FAM161B: variants seen among roughly 807,000 people sequenced by gnomAD.
FAM161B encodes protein FAM161B.
In FAM161B, 46 loss-of-function variants were observed where a neutral mutation model predicts 61.5. The ratio of observed to expected loss-of-function variants is 0.75; its 90% confidence interval spans 0.59 to 0.96. The LOEUF (loss-of-function observed/expected upper bound fraction) is 0.96. Ranked by LOEUF, FAM161B falls within the 40% of genes least tolerant of loss-of-function variation. The probability of loss-of-function intolerance (pLI) is 0.00; values close to 1 mark genes in which losing one functional copy is unlikely to be tolerated. For missense variants in FAM161B, 774 were observed against 800.7 expected (o/e 0.97, Z 0.40); for synonymous variants, 284 against 302.7 (o/e 0.94, Z 0.64).
chr14:73,944,304 G>GGA, intron 3 of FAM161B, 31 bp downstream of exon 3: 1 of 1,542,556 alleles, frequency 6.5e-7, no homozygotes, highest in Non-Finnish European at 8.8e-7. Flanking sequence ...CCCCGAGGCA[G>GGA]GAGGCAGCAA....
rs1464222646 is a variant in FAM161B at position 73,933,672 on chromosome 14, T to C, written c.*584A>G. The stretch of plus-strand genomic sequence containing the variant: ...CATGGACGCATTTATGTTTCTGCAC[T>C]AGCCCCTTATAGGCATTTGGGCCTG... On this transcript the variant is annotated 3_prime_UTR_variant, in exon 9 of 9. Coordinates refer to ENST00000286544, the MANE Select transcript of FAM161B (RefSeq NM_152445.3). 1 of 152,432 alleles carries C rather than the reference T, an allele frequency of 6.6e-6. No individual in the cohort carries two copies. The highest frequency in any genetic ancestry group is 1.5e-5 in the Non-Finnish European group (1 of 68,232). The allele number at this position is 152,432 out of a possible 1,614,324, so 9.4% of individuals were successfully genotyped here. A position where few individuals can be genotyped will look rare whatever the true frequency, so the allele number is the denominator to read the frequency against.
chr14:73,942,017 G>T (rs1472032972), intron 4 of FAM161B, among the ~76,000 whole-genome samples: 1 of 151,988 alleles, frequency 6.6e-6, no homozygotes, highest in African/African-American at 2.4e-5. Context: ...GTTTTTTGTT[G>T]TTGTTTTTAG....
chr14:73,934,446 G>A (rs766223442), intron 8 of FAM161B, 52 bp from the exon 9 acceptor site: 1 of 1,554,156 alleles, frequency 6.4e-7, no homozygotes, highest in Non-Finnish European at 8.7e-7. Flanking sequence ...TTTTCAGACA[G>A]GGTCTCACTC....
Position 73,932,327 on chromosome 14 carries a change from A to G in FAM161B, c.*1929T>C. Reference sequence around the variant, plus strand: ...AAAATTTGTTTTCTTAGAGATTAAGAATTTAATCTTTCCCTTTAAAATAGT... The same window carrying G: ...AAAATTTGTTTTCTTAGAGATTAAGGATTTAATCTTTCCCTTTAAAATAGT... On this transcript the variant is annotated 3_prime_UTR_variant, in exon 9 of 9. Transcript: ENST00000286544. 2.9e-6 allele frequency: 1 copy of G among 350,618 alleles called. No homozygotes were observed. Among genetic ancestry groups the G allele is most frequent in the South Asian group, 2.2e-5 (1 of 44,950 alleles). 21.7% of individuals were successfully genotyped at this position (350,618 alleles called of 1,614,324 possible). A position where few individuals can be genotyped will look rare whatever the true frequency, so the allele number is the denominator to read the frequency against.
At chr14:73,925,661 C>A in the FAM161B span, among the ~76,000 whole-genome samples, 1 of 152,146 alleles carries the variant, frequency 6.6e-6, no homozygotes, top group Non-Finnish European at 1.5e-5. Context: ...CTCCTGACCT[C>A]AAGTGATCCA....
chr14:73,942,933 C>G (rs62005765), intron 3 of FAM161B, among the ~76,000 whole-genome samples: 1 of 151,928 alleles, frequency 6.6e-6, no homozygotes, highest in African/African-American at 2.4e-5. Flanking sequence ...AAACCAGCTT[C>G]CTTTTTTTTT....
rs751086578 is a variant in FAM161B, at chr14:73,944,327, G to A, written c.925+8C>T. On this transcript the variant is annotated splice_region_variant and intron_variant, in intron 3 of 8. Coordinates refer to ENST00000286544, the MANE Select transcript of FAM161B (RefSeq NM_152445.3). ...CAGGAGGCAGCAAGGTGGCAAGGATGTCTTTACCCTGGAGTTTATCCCCAA... is the reference window on the plus strand; with the variant it reads ...CAGGAGGCAGCAAGGTGGCAAGGATATCTTTACCCTGGAGTTTATCCCCAA... The A allele has an allele frequency of 2.3e-5, 36 of 1,564,768 alleles. No individual in the cohort carries two copies. The highest frequency in any genetic ancestry group is 3.0e-5 in the Non-Finnish European group (34 of 1,151,650).
rs555705141 is a variant in FAM161B at position 73,934,326 on chromosome 14, G to A, written c.1874C>T (p.Pro625Leu). The change falls in exon 9 of 9, where the codon CCT (proline) becomes CTT (leucine). Residue 625 changes from proline (P) to leucine (L), a missense_variant. Coordinates refer to ENST00000286544, the MANE Select transcript of FAM161B (RefSeq NM_152445.3). ...EQGLEGSLEQ[P>L]ASPRKVLEEL... ...CTCCAGTACTTTCCTGGGGCTTGCA[G>A]GCTGTTCTAGAGATCCTTCTAAACC... 6.2e-7 allele frequency: 1 copy of A among 1,614,124 alleles called. No homozygotes were observed. The highest frequency in any genetic ancestry group is 1.3e-5 in the African/African-American group (1 of 75,030).
downstream of FAM161B, among the ~76,000 whole-genome samples, chr14:73,929,852 T>C (rs1206759862): frequency 6.6e-6 from 1 of 151,786 alleles, no homozygotes; most frequent in East Asian, 1.9e-4. Context: ...GGGAAAAATA[T>C]CAGAAACTAC....
intron 2 of FAM161B, among the ~76,000 whole-genome samples, chr14:73,945,256 T>C (rs1247517618): frequency 6.6e-6 from 1 of 152,170 alleles, no homozygotes; most frequent in African/African-American, 2.4e-5. Context: ...AATTAATGTC[T>C]ACTTACCAGG....
chr14:73,938,319 C>T (rs2055988352), intron 5 of FAM161B, among the ~76,000 whole-genome samples: 1 of 151,992 alleles, frequency 6.6e-6, no homozygotes, highest in African/African-American at 2.4e-5. Context: ...ATTAGCTGGG[C>T]ATGGTGGTGT....
Position 73,944,711 on chromosome 14 carries a change from C to T in FAM161B, c.549G>A (p.Arg183=). The change falls in exon 3 of 9, where the codon CGG becomes CGA. Residue 183 remains arginine, a synonymous_variant. Coordinates refer to ENST00000286544, the MANE Select transcript of FAM161B (RefSeq NM_152445.3). The part of the protein sequence containing the change: ...RPFRMTLREA[R]KKAEWLGSPA... The stretch of plus-strand genomic sequence containing the variant: ...GTGAGCCCAGCCACTCGGCCTTCTT[C>T]CGGGCCTCGCGCAGCGTCATGCGGA... 6.2e-7 allele frequency: 1 copy of T among 1,604,820 alleles called. No homozygotes were observed. Among genetic ancestry groups the T allele is most frequent in the Non-Finnish European group, 8.5e-7 (1 of 1,173,280 alleles).
At chr14:73,928,161 A>G (rs1428900441), downstream of FAM161B, among the ~76,000 whole-genome samples, 1 of 152,124 alleles carries the variant, frequency 6.6e-6, no homozygotes, top group Non-Finnish European at 1.5e-5. Context: ...TTTTAAGTGT[A>G]GTACGTTCCA....
At chr14:73,945,294 T>C (rs989752258) in intron 2 of FAM161B, among the ~76,000 whole-genome samples, 1 of 152,214 alleles carries the variant, frequency 6.6e-6, no homozygotes, top group African/African-American at 2.4e-5. Context: ...AAATATTAAA[T>C]AAGATAAAGT....
At chr14:73,923,561 A>T in the FAM161B span, 2 of 1,587,162 alleles carry the variant, frequency 1.3e-6, no homozygotes, top group Non-Finnish European at 1.7e-6. Flanking sequence ...GTGACAATTC[A>T]TGTGGGGAAT....
intron 1 of FAM161B, 30 bp downstream of exon 1, chr14:73,949,943 T>C (rs116578534): frequency 4.3e-6 from 7 of 1,611,776 alleles, no homozygotes; most frequent in Non-Finnish European, 5.9e-6. Context: ...GGGATTCCTT[T>C]CCCGGGGGCA....
downstream of FAM161B, chr14:73,927,832 A>ATTTT (rs11461357): frequency 7.3e-4 from 105 of 143,490 alleles, no homozygotes; most frequent in African/African-American, 2.3e-3. Flanking sequence ...TCAACCGGCA[A>ATTTT]TTTTTTTTTT....
chr14:73,943,855 G>A (rs946148566), intron 3 of FAM161B, among the ~76,000 whole-genome samples: 8 of 152,192 alleles, frequency 5.3e-5, no homozygotes, highest in South Asian at 2.1e-4. Flanking sequence ...ACATGCTACC[G>A]AAAAGTGAAT....
the FAM161B span, among the ~76,000 whole-genome samples, chr14:73,924,167 G>T: frequency 6.6e-6 from 1 of 152,120 alleles, no homozygotes; most frequent in Non-Finnish European, 1.5e-5. Context: ...TTGGCACCAG[G>T]GACCGGTTTC....
Sources: allele counts gnomAD v4.1 joint callset (sites outside exome capture counted in the v4.1 genomes callset), GRCh38; gene constraint gnomAD v4.1.1; transcripts MANE v1.5; gene names NCBI Gene and HGNC (gene_info 2026-07-23, HGNC 2026-07-21).